RHOA: variants seen among roughly 807,000 people sequenced by gnomAD.
The protein encoded by RHOA is transforming protein RhoA.
In RHOA, 3 loss-of-function variants were observed where a neutral mutation model predicts 17.5. The ratio of observed to expected loss-of-function variants is 0.17; its 90% confidence interval spans 0.08 to 0.44. The LOEUF (loss-of-function observed/expected upper bound fraction) is 0.44. Ranked by LOEUF, RHOA falls within the 20% of genes least tolerant of loss-of-function variation. The pLI is 0.99. For synonymous variants in RHOA, 98 were observed against 88.4 expected (o/e 1.11, Z -0.61); for missense variants, 56 against 242.3 (o/e 0.23, Z 5.10).
intron 4 of RHOA, 85 bp from the exon 5 acceptor site, chr3:49,360,467 A>AT (rs200617234): frequency 0.012 from 16,328 of 1,417,356 alleles, 109 homozygotes; most frequent in Non-Finnish European, 0.013. Context: ...CATCTAAAAG[A>AT]TTTTTTTTTC....
rs573529354 is a variant in RHOA at position 49,375,117 on chromosome 3, A to C, written c.156+317T>G. On this transcript the variant is annotated intron_variant, in intron 2 of 4. Coordinates refer to ENST00000418115, the MANE Select transcript of RHOA (RefSeq NM_001664.4). ...TCTCTACTAAACGAAAAATGAGCTC[A>C]GCATGGTGGCAACATGCCTGTAATC... is the stretch of plus-strand genomic sequence containing the variant. Among the ~76,000 whole-genome samples the C allele has an allele frequency of 4.6e-5, 7 of 152,138 alleles. No homozygotes were observed. In the East Asian group the frequency reaches 1.4e-3, roughly 30 times the overall value.
intron 1 of RHOA, among the ~76,000 whole-genome samples, chr3:49,379,826 A>G (rs1260871991): frequency 6.6e-6 from 1 of 152,302 alleles, no homozygotes; most frequent in East Asian, 1.9e-4. Flanking sequence ...CACAGTATAT[A>G]TAATTCACAC....
At chr3:49,410,637 A>G (rs2048916737) in intron 1 of RHOA, among the ~76,000 whole-genome samples, 1 of 152,220 alleles carries the variant, frequency 6.6e-6, no homozygotes, top group African/African-American at 2.4e-5. Context: ...ATCTCCGCCA[A>G]TCTAGCCACA....
chr3:49,367,956 C>T (rs2048086330), intron 3 of RHOA, among the ~76,000 whole-genome samples: 1 of 151,940 alleles, frequency 6.6e-6, no homozygotes, highest in Non-Finnish European at 1.5e-5. Context: ...GTTGCTCAGT[C>T]TGGAATGCAG....
intron 1 of RHOA, among the ~76,000 whole-genome samples, chr3:49,391,799 C>T (rs2048514336): frequency 6.7e-6 from 1 of 149,982 alleles, no homozygotes; most frequent in South Asian, 2.1e-4. Flanking sequence ...GCGTGAGCCA[C>T]TGTGCCCGGC....
In RHOA at chr3:49,359,328, C is replaced by T. The variant is rs1051215537; in HGVS notation, c.*881G>A. 1 of 189,774 alleles carries T rather than the reference C, an allele frequency of 5.3e-6. No homozygotes were observed. The highest frequency in any genetic ancestry group is 1.1e-5 in the Non-Finnish European group (1 of 90,152). The allele number at this position is 189,774 out of a possible 1,614,324, so 11.8% of individuals were successfully genotyped here. ...TGAATTAGAGCCAGATGCTTAAGTC[C>T]AGGTGAGACAGGTTATGCCATCTTC... On this transcript the variant is annotated 3_prime_UTR_variant, in exon 5 of 5. Transcript: ENST00000418115.
At chr3:49,365,427 G>A (rs995458842) in intron 3 of RHOA, among the ~76,000 whole-genome samples, 2 of 152,096 alleles carry the variant, frequency 1.3e-5, no homozygotes, top group African/African-American at 2.4e-5. Flanking sequence ...ACAGGTGTGA[G>A]CCACAGTGCC....
intron 1 of RHOA, among the ~76,000 whole-genome samples, chr3:49,405,257 CAAAAAAAAAA>C (rs56912055): frequency 5.5e-5 from 6 of 110,014 alleles, no homozygotes; most frequent in African/African-American, 1.6e-4. Flanking sequence ...GACTGTGTCT[CAAAAAAAAAA>C]AAAAAAAAAA....
chr3:49,360,984 A>G, intron 4 of RHOA: 1 of 293,428 alleles, frequency 3.4e-6, no homozygotes, highest in Non-Finnish European at 7.1e-6. Context: ...GAGGCAGGGG[A>G]ATCGCTTAAA....
At chr3:49,383,652 CTTCTA>C (rs1228761965) in intron 1 of RHOA, among the ~76,000 whole-genome samples, 13 of 152,234 alleles carry the variant, frequency 8.5e-5, no homozygotes, top group African/African-American at 2.9e-4. Context: ...CTGCATGTGT[CTTCTA>C]TTCTGTTTGT....
chr3:49,376,409 C>T (rs1448523340), intron 1 of RHOA, among the ~76,000 whole-genome samples: 4 of 150,882 alleles, frequency 2.7e-5, no homozygotes, highest in Admixed American at 6.6e-5. Context: ...TTTGGGAGGC[C>T]GAGGCGGGTG....
intron 1 of RHOA, among the ~76,000 whole-genome samples, chr3:49,403,774 C>T (rs1575286664): frequency 6.6e-6 from 1 of 151,974 alleles, no homozygotes; most frequent in Non-Finnish European, 1.5e-5. Flanking sequence ...AAAGTATGTG[C>T]ATTTTATTGT....
intron 4 of RHOA, chr3:49,361,081 C>A (rs892974): frequency 0.8 from 119,708 of 150,022 alleles, 48,038 homozygotes; most frequent in East Asian, 0.99. Context: ...TCAAAAAAAA[C>A]AAAACAAAAA....
At chr3:49,367,342 C>CAAAAAAAAAAA (rs62926260) in intron 3 of RHOA, among the ~76,000 whole-genome samples, 2,863 of 80,216 alleles carry the variant, frequency 0.036, 350 homozygotes, top group East Asian at 0.051. Flanking sequence ...GACTCCCTCT[C>CAAAAAAAAAAA]AAAAAAAAAA....
intron 1 of RHOA, among the ~76,000 whole-genome samples, chr3:49,398,839 CAAAAAAAAAAAAAAAA>C (rs71080506): frequency 2.5e-4 from 9 of 35,662 alleles, no homozygotes; most frequent in East Asian, 2.2e-3. Context: ...GACTCCGTCT[CAAAAAAAAAAAAAAAA>C]AAAAAAAAAA....
intron 1 of RHOA, among the ~76,000 whole-genome samples, chr3:49,404,359 C>T (rs988524672): frequency 6.8e-6 from 1 of 147,368 alleles, no homozygotes; most frequent in African/African-American, 2.5e-5. Flanking sequence ...CTTTGGGAAG[C>T]CAAGGCAGGT....
chr3:49,397,322 G>A (rs1018224588), intron 1 of RHOA, among the ~76,000 whole-genome samples: 10 of 152,114 alleles, frequency 6.6e-5, no homozygotes, highest in Non-Finnish European at 1.0e-4. Flanking sequence ...GTGATAGGGA[G>A]ATTGAAGATG....
At chr3:49,408,294 A>G (rs977170804) in intron 1 of RHOA, among the ~76,000 whole-genome samples, 1 of 151,570 alleles carries the variant, frequency 6.6e-6, no homozygotes, top group Non-Finnish European at 1.5e-5. Context: ...ACAAGTATAT[A>G]TACATATACA....
At chr3:49,388,763 G>A (rs962413684) in intron 1 of RHOA, among the ~76,000 whole-genome samples, 1 of 152,124 alleles carries the variant, frequency 6.6e-6, no homozygotes, top group Admixed American at 6.5e-5. Flanking sequence ...CTGTTCAATG[G>A]CCAGCCTACT....
Sources: gnomAD v4.1 joint callset for allele counts (sites outside exome capture counted in the v4.1 genomes callset) on GRCh38, gnomAD v4.1.1 for gene constraint, MANE v1.5 for transcripts, NCBI Gene and HGNC (gene_info 2026-07-23, HGNC 2026-07-21) for gene names.